Variants in ADGRD1 observed in about 807,000 individuals in gnomAD.
The protein encoded by ADGRD1 is adhesion G protein-coupled receptor D1, also known as G-protein coupled receptor 133.
Under a neutral mutation model 113.4 loss-of-function variants are expected in ADGRD1, and 77 were observed. The ratio of observed to expected loss-of-function variants is 0.68; its 90% confidence interval spans 0.57 to 0.82. The LOEUF is 0.82. Among genes scored for constraint, ADGRD1 ranks in the 40% least tolerant of loss-of-function variants. ADGRD1 has a pLI of 0.00. For missense variants in ADGRD1, 1,036 were observed against 1,139.1 expected, an observed-to-expected ratio of 0.91 and a Z score of 1.30; for synonymous variants, 474 against 475.0, an observed-to-expected ratio of 1.00 and a Z score of 0.03.
intron 14 of ADGRD1, among the ~76,000 whole-genome samples, chr12:131,082,612 T>C (rs1314605981): frequency 1.3e-5 from 2 of 152,208 alleles, no homozygotes; most frequent in African/African-American, 4.8e-5. Context: ...ATGGTACTTA[T>C]GCAGCCAATT....
intron 19 of ADGRD1, among the ~76,000 whole-genome samples, chr12:131,118,870 C>T (rs1329681989): frequency 6.6e-6 from 1 of 152,188 alleles, no homozygotes; most frequent in Non-Finnish European, 1.5e-5. Context: ...CAGACACATG[C>T]ATGTTGGAGT....
At chr12:131,074,329 G>A (rs1429871338) in intron 13 of ADGRD1, among the ~76,000 whole-genome samples, 1 of 152,230 alleles carries the variant, frequency 6.6e-6, no homozygotes, top group Non-Finnish European at 1.5e-5. Flanking sequence ...AGCCGGCCCT[G>A]TGAGGAGGCC....
chr12:131,088,743 G>A (rs1380422083), intron 15 of ADGRD1, among the ~76,000 whole-genome samples: 4 of 152,302 alleles, frequency 2.6e-5, no homozygotes, highest in African/African-American at 9.6e-5. Context: ...TGGTGTGGCG[G>A]GGGTGGAGGG....
intron 20 of ADGRD1, among the ~76,000 whole-genome samples, chr12:131,130,422 C>T (rs1361835818): frequency 2.0e-5 from 3 of 152,266 alleles, no homozygotes; most frequent in East Asian, 3.9e-4. Flanking sequence ...CAGGAGGGGG[C>T]GGCCCCACCA....
chr12:131,105,710 G>C, intron 16 of ADGRD1, 44 bp from the exon 17 acceptor site: 1 of 1,491,140 alleles, frequency 6.7e-7, no homozygotes, highest in East Asian at 2.3e-5. Context: ...TGGGGGACTG[G>C]GTCGGCGCAG....
intron 24 of ADGRD1, among the ~76,000 whole-genome samples, chr12:131,138,589 T>G (rs1951165566): frequency 1.3e-5 from 2 of 152,204 alleles, no homozygotes; most frequent in Admixed American, 6.5e-5. Flanking sequence ...GGGTTCTCAC[T>G]GTGCCGCTGC....
intron 5 of ADGRD1, 31 bp from the exon 6 acceptor site, chr12:130,987,062 GTA>G: frequency 6.2e-7 from 1 of 1,605,112 alleles, no homozygotes; most frequent in Non-Finnish European, 8.5e-7. Context: ...CATTCCCACA[GTA>G]CTCAGAATGG....
intron 13 of ADGRD1, among the ~76,000 whole-genome samples, chr12:131,037,777 GCACTCACTGCACCGGGTCT>G (rs1329843218): frequency 1.6e-4 from 10 of 62,958 alleles, no homozygotes; most frequent in South Asian, 8.6e-4. Context: ...GCATGGGGCC[GCACTCACTGCACCGGGTCT>G]CACTCACTGC....
At chr12:131,089,595 C>T (rs1025975155) in intron 15 of ADGRD1, among the ~76,000 whole-genome samples, 6 of 152,062 alleles carry the variant, frequency 3.9e-5, no homozygotes, top group Non-Finnish European at 8.8e-5. Context: ...GTGCTCCTGG[C>T]CAGTGAGTGC....
chr12:130,992,437 C>T (rs774384192), intron 8 of ADGRD1, 45 bp downstream of exon 8: 2 of 1,519,566 alleles, frequency 1.3e-6, no homozygotes, highest in Non-Finnish European at 1.8e-6. Context: ...GGCGTGGCAC[C>T]CTTACCGGGA....
chr12:130,979,817 T>TCACACACACACACACACACACACACA (rs10526212), intron 4 of ADGRD1, among the ~76,000 whole-genome samples: 2 of 53,842 alleles, frequency 3.7e-5, no homozygotes, highest in African/African-American at 6.8e-5. Flanking sequence ...AGCTAGTGTC[T>TCACACACACACACACACACACACACA]CACACACACA....
chr12:131,074,610 A>G (rs1453276054), intron 13 of ADGRD1, among the ~76,000 whole-genome samples: 5 of 152,142 alleles, frequency 3.3e-5, no homozygotes, highest in South Asian at 2.1e-4. Flanking sequence ...CCACACTCCC[A>G]TATCAAAAAC....
chr12:131,045,931 G>T (rs1373094216), intron 13 of ADGRD1, among the ~76,000 whole-genome samples: 1 of 151,358 alleles, frequency 6.6e-6, no homozygotes, highest in Non-Finnish European at 1.5e-5. Flanking sequence ...TCCTGGTGGT[G>T]CTCCCGCCCT....
chr12:131,021,181 G>A (rs923056257), intron 13 of ADGRD1, among the ~76,000 whole-genome samples: 2 of 152,188 alleles, frequency 1.3e-5, no homozygotes, highest in African/African-American at 4.8e-5. Context: ...GTATTTTTAA[G>A]TACAATGATT....
rs556258899 is a variant in ADGRD1 at position 130,997,828 on chromosome 12, G to C, written c.967-2555G>C. On this transcript the variant is annotated intron_variant, in intron 8 of 24. Coordinates refer to ENST00000261654, the MANE Select transcript of ADGRD1 (RefSeq NM_198827.5). Reference sequence around the variant, plus strand: ...GCGGCCGGGCAGAGGCTGCAATCTCGGCACTTTGGGAGGCCAAGGCAGGCG... The same window carrying C: ...GCGGCCGGGCAGAGGCTGCAATCTCCGCACTTTGGGAGGCCAAGGCAGGCG... Among the ~76,000 whole-genome samples, 3 of 152,174 alleles carry C rather than the reference G, an allele frequency of 2.0e-5. No individual in the cohort carries two copies. The East Asian group carries it at 5.8e-4, about 29-fold the overall frequency.
chr12:130,996,166 C>T (rs868283800), intron 8 of ADGRD1, among the ~76,000 whole-genome samples: 72 of 150,228 alleles, frequency 4.8e-4, no homozygotes, highest in Middle Eastern at 3.4e-3. Flanking sequence ...AAAAGTCTCC[C>T]ATGTCTACTT....
intron 2 of ADGRD1, among the ~76,000 whole-genome samples, chr12:130,961,035 C>G (rs915473862): frequency 1.4e-4 from 21 of 152,178 alleles, no homozygotes; most frequent in Admixed American, 6.5e-4. Context: ...GAAGCCAGCC[C>G]GACCATCGGC....
At chr12:131,131,306 C>G (rs58915849) in intron 20 of ADGRD1, among the ~76,000 whole-genome samples, 6,679 of 152,294 alleles carry the variant, frequency 0.044, 463 homozygotes, top group African/African-American at 0.15. Flanking sequence ...AGAGCCAGCT[C>G]CTGTGCCGGG....
intron 9 of ADGRD1, among the ~76,000 whole-genome samples, chr12:131,002,038 A>G (rs978910346): frequency 9.2e-5 from 14 of 152,256 alleles, no homozygotes; most frequent in Admixed American, 8.5e-4. Context: ...TAAGATGGAT[A>G]CAGTCTTACC....
Sources: allele counts gnomAD v4.1 joint callset (sites outside exome capture counted in the v4.1 genomes callset), GRCh38; gene constraint gnomAD v4.1.1; transcripts MANE v1.5; gene names NCBI Gene and HGNC (gene_info 2026-07-23, HGNC 2026-07-21).